The following PAM variants were observed in gnomAD, a reference collection of about 807,000 sequenced individuals.
The protein encoded by PAM is peptidylglycine alpha-amidating monooxygenase, also known as peptidyl-glycine alpha-amidating monooxygenase.
PAM carries 72 observed loss-of-function variants against 122.1 expected under a neutral mutation model. That is an observed-to-expected ratio of 0.59 (90% CI 0.49 to 0.72). The LOEUF is 0.72. Among genes scored for constraint, PAM ranks in the 30% least tolerant of loss-of-function variants. The pLI is 0.00. For missense variants in PAM, 1,106 were observed against 1,183.7 expected (o/e 0.93, Z 0.96); for synonymous variants, 389 against 404.4 (o/e 0.96, Z 0.46).
chr5:102,949,862 C>A, intron 10 of PAM, 40 bp from the exon 11 acceptor site: 1 of 1,068,778 alleles, frequency 9.4e-7, no homozygotes, highest in Non-Finnish European at 1.4e-6. Context: ...TTTTCTAATA[C>A]CTTATTATAT....
At chr5:102,827,328 T>A (rs1342857062) in intron 1 of PAM, among the ~76,000 whole-genome samples, 1 of 151,962 alleles carries the variant, frequency 6.6e-6, no homozygotes, top group Non-Finnish European at 1.5e-5. Flanking sequence ...CAAAAAAAAA[T>A]CCAAAACCTG....
chr5:102,946,288 G>C (rs1271729805), intron 7 of PAM, among the ~76,000 whole-genome samples: 1 of 152,004 alleles, frequency 6.6e-6, no homozygotes, highest in Non-Finnish European at 1.5e-5. Context: ...AAGCATATGG[G>C]CTCTTCAGGT....
chr5:102,830,523 C>T (rs867100768), intron 1 of PAM, among the ~76,000 whole-genome samples: 2 of 152,188 alleles, frequency 1.3e-5, no homozygotes, highest in Non-Finnish European at 2.9e-5. Flanking sequence ...TGACTCTCCT[C>T]TTACTACACC....
intron 11 of PAM, 93 bp downstream of exon 11, chr5:102,950,071 C>G: frequency 1.4e-6 from 1 of 725,782 alleles, no homozygotes; most frequent in Non-Finnish European, 2.4e-6. Context: ...GTGAATTTCT[C>G]TAAAAATCTC....
At chr5:102,844,536 C>T (rs758238539) in intron 1 of PAM, among the ~76,000 whole-genome samples, 1 of 152,064 alleles carries the variant, frequency 6.6e-6, no homozygotes, top group Non-Finnish European at 1.5e-5. Context: ...GGCATAGTGG[C>T]TCATGCCTGT....
At chr5:102,992,892 G>T (rs1196035685) in intron 16 of PAM, among the ~76,000 whole-genome samples, 1 of 152,086 alleles carries the variant, frequency 6.6e-6, no homozygotes, top group African/African-American at 2.4e-5. Flanking sequence ...TTCGTAAGAT[G>T]TGATCATTCT....
At chr5:102,844,969 C>A (rs879282847) in intron 1 of PAM, among the ~76,000 whole-genome samples, 19 of 152,176 alleles carry the variant, frequency 1.2e-4, no homozygotes, top group Admixed American at 9.8e-4. Flanking sequence ...AAGTTGTAGT[C>A]AAATTCCTCT....
intron 3 of PAM, chr5:102,895,819 A>G (rs1260109492): frequency 6.6e-6 from 1 of 151,738 alleles, no homozygotes; most frequent in Non-Finnish European, 1.5e-5. Flanking sequence ...GATTTGATAC[A>G]TACAGTTAGT....
intron 1 of PAM, among the ~76,000 whole-genome samples, chr5:102,843,132 G>A (rs1430267976): frequency 4.6e-5 from 7 of 152,172 alleles, no homozygotes; most frequent in Non-Finnish European, 1.0e-4. Flanking sequence ...AGAGCCTAAG[G>A]ACTTGACCCA....
In PAM at chr5:102,803,366, G is replaced by A. The variant is rs115582342; in HGVS notation, c.-374+48018G>A. 2.2e-3 allele frequency among the ~76,000 whole-genome samples: 336 copies of A among 152,162 alleles called. 1 individual carries two copies. Among genetic ancestry groups the A allele is most frequent in the African/African-American group, 7.6e-3 (317 of 41,508 alleles). Reference sequence around the variant, plus strand: ...ACAAGAGATGTTTCTTCCATCCCTCGTAAGTTGCCTGGAGAATGTTAGGAT... The same window carrying A: ...ACAAGAGATGTTTCTTCCATCCCTCATAAGTTGCCTGGAGAATGTTAGGAT... On this transcript the variant is annotated intron_variant, in intron 1 of 25. Transcript: ENST00000438793.
chr5:103,007,101 T>G lies in PAM; in HGVS notation c.2014+90T>G, dbSNP rs1468322733. 4.1e-6 allele frequency: 4 copies of G among 967,676 alleles called. No individual in the cohort carries two copies. In the East Asian group the frequency reaches 1.0e-4, roughly 25 times the overall value. 59.9% of individuals were successfully genotyped at this position (967,676 alleles called of 1,614,324 possible). On this transcript the variant is annotated intron_variant, in intron 19 of 25. Transcript: ENST00000438793. ...TGGCCAACACTCACATTCTTTAAGCTGTAATTGTCCCCTACAGGGTCATTG... is the reference window on the plus strand; with the variant it reads ...TGGCCAACACTCACATTCTTTAAGCGGTAATTGTCCCCTACAGGGTCATTG...
At position 102,942,638 on chromosome 5, in the gene PAM, C is replaced by T. The variant is rs186287838; in HGVS notation, c.527-4199C>T. On this transcript the variant is annotated intron_variant, in intron 7 of 25. Transcript: ENST00000438793. The stretch of plus-strand genomic sequence containing the variant: ...TGCTCTGTCACCCAGGCTGAAGTGC[C>T]GTGGTGTGATCATGGCTTACTGCAG... 5.5e-4 allele frequency among the ~76,000 whole-genome samples: 83 copies of T among 151,472 alleles called. 1 individual carries two copies. The highest frequency in any genetic ancestry group is 1.7e-3 in the African/African-American group (69 of 41,328).
chr5:102,790,900 G>A (rs527508357), intron 1 of PAM, among the ~76,000 whole-genome samples: 1 of 152,052 alleles, frequency 6.6e-6, no homozygotes. Flanking sequence ...CCAGAGATAA[G>A]CACTGATATC....
intron 1 of PAM, among the ~76,000 whole-genome samples, chr5:102,850,695 G>C (rs1235055758): frequency 6.6e-6 from 1 of 152,172 alleles, no homozygotes; most frequent in Non-Finnish European, 1.5e-5. Context: ...GACAGTACTT[G>C]ACTTCCCCAC....
intron 1 of PAM, among the ~76,000 whole-genome samples, chr5:102,816,589 C>T (rs1769886625): frequency 6.6e-6 from 1 of 152,124 alleles, no homozygotes; most frequent in African/African-American, 2.4e-5. Flanking sequence ...GCTCTGTCCT[C>T]CGCTGACTTG....
At chr5:102,960,421 G>A (rs1164128468) in intron 13 of PAM, among the ~76,000 whole-genome samples, 1 of 151,950 alleles carries the variant, frequency 6.6e-6, no homozygotes, top group African/African-American at 2.4e-5. Flanking sequence ...ATGTTCTAAA[G>A]ATCACTACAG....
rs113940971 is a variant in PAM, at chr5:102,811,287, G to T, written c.-373-54536G>T. On this transcript the variant is annotated intron_variant, in intron 1 of 25. Transcript: ENST00000438793. The stretch of plus-strand genomic sequence containing the variant: ...ACTGCACTGAAACATCAAGGTGTCA[G>T]AAGGGCTACATCTCCTTTCAGGAGG... 7.8e-3 allele frequency among the ~76,000 whole-genome samples: 1,184 copies of T among 152,346 alleles called. 16 individuals are homozygous for T. The highest frequency in any genetic ancestry group is 0.027 in the African/African-American group (1,119 of 41,572).
chr5:102,924,254 A>T (rs186591360), intron 5 of PAM, among the ~76,000 whole-genome samples: 306 of 152,042 alleles, frequency 2.0e-3, no homozygotes, highest in African/African-American at 7.0e-3. Flanking sequence ...CAACATGGTG[A>T]AATCCCTTCT....
chr5:102,940,501 G>GCT (rs1554129414), intron 7 of PAM, among the ~76,000 whole-genome samples: 1 of 122,830 alleles, frequency 8.1e-6, no homozygotes, highest in Non-Finnish European at 1.8e-5. Context: ...ATATATATCA[G>GCT]CTATATATAT....
Sources: allele counts gnomAD v4.1 joint callset (sites outside exome capture counted in the v4.1 genomes callset), GRCh38; gene constraint gnomAD v4.1.1; transcripts MANE v1.5; gene names NCBI Gene and HGNC (gene_info 2026-07-23, HGNC 2026-07-21).